PRR29: variants seen among roughly 807,000 people sequenced by gnomAD.
The protein encoded by PRR29 is proline-rich protein 29.
In PRR29, 20 loss-of-function variants were observed where a neutral mutation model predicts 25.1. The observed-to-expected ratio is 0.80, with a 90% CI of 0.56 to 1.16. The LOEUF is 1.16. Ranked by LOEUF, PRR29 falls within the 50% of genes most tolerant of loss-of-function variation. PRR29 has a pLI of 0.00. For synonymous variants in PRR29, 108 were observed against 102.6 expected (o/e 1.05, Z -0.32); for missense variants, 238 against 246.6 (o/e 0.97, Z 0.23).
At chr17:64,001,682 T>TG (rs1910771773) in intron 5 of PRR29, 51 bp from the exon 6 acceptor site, 2 of 1,532,584 alleles carry the variant, frequency 1.3e-6, no homozygotes, top group Admixed American at 3.9e-5. Context: ...TTTACCTCTT[T>TG]GGGGTCCACT....
Position 64,003,351 on chromosome 17 carries a change from T to A in PRR29, c.*1590T>A. On this transcript the variant is annotated 3_prime_UTR_variant, in exon 6 of 6. Transcript: ENST00000412177. ...GCTCTGGGGACCTCAGTGGGGGCAGTCAGGCCAAACTTCTCATTGTGGAGG... is the reference window on the plus strand; with the variant it reads ...GCTCTGGGGACCTCAGTGGGGGCAGACAGGCCAAACTTCTCATTGTGGAGG... 2.1e-6 allele frequency: 1 copy of A among 479,996 alleles called. No individual in the cohort carries two copies. The highest frequency in any genetic ancestry group is 3.9e-5 in the East Asian group (1 of 25,562). The allele number at this position is 479,996 out of a possible 1,614,324, so 29.7% of individuals were successfully genotyped here. A position where few individuals can be genotyped will look rare whatever the true frequency, so the allele number is the denominator to read the frequency against.
At chr17:63,998,459 G>C in intron 1 of PRR29, 35 bp downstream of exon 1, 1 of 1,456,346 alleles carries the variant, frequency 6.9e-7, no homozygotes, top group East Asian at 2.5e-5. Context: ...TCCTGCCTTA[G>C]CTTGGGAGAC....
intron 1 of PRR29, 72 bp from the exon 2 acceptor site, chr17:63,998,635 G>A (rs5821414): frequency 8.4e-5 from 70 of 834,744 alleles, no homozygotes; most frequent in Non-Finnish European, 1.1e-4. Context: ...ACTGGCCGGG[G>A]GGGTTGGGGC....
Position 64,003,297 on chromosome 17 carries a change from C to T in PRR29, c.*1536C>T. ...AACTTCATGCCAGGCTCCCTGTGTG[C>T]CGGCCGTCCAGGGTCACCAAGCAGC... On this transcript the variant is annotated 3_prime_UTR_variant, in exon 6 of 6. Transcript: ENST00000412177. The T allele has an allele frequency of 2.4e-6, 1 of 423,638 alleles. No individual in the cohort carries two copies. Among genetic ancestry groups the T allele is most frequent in the Admixed American group, 4.0e-5 (1 of 25,204 alleles). 26.2% of individuals were successfully genotyped at this position (423,638 alleles called of 1,614,324 possible).
In PRR29 at chr17:64,001,716, G is replaced by T; in HGVS notation, c.542-17G>T. ...CTGAGACAGGAGGGAGTCAAGATGAGGTTCTTGTTTCCCCAGACTACTATG... is the reference window on the plus strand; with the variant it reads ...CTGAGACAGGAGGGAGTCAAGATGATGTTCTTGTTTCCCCAGACTACTATG... On this transcript the variant is annotated splice_polypyrimidine_tract_variant and intron_variant, in intron 5 of 5. Transcript: ENST00000412177. 2 of 1,536,690 alleles carry T rather than the reference G, an allele frequency of 1.3e-6. No individual in the cohort carries two copies. Among genetic ancestry groups the T allele is most frequent in the South Asian group, 2.4e-5 (2 of 84,042 alleles).
At chr17:63,999,304 G>T (rs1000648479) in intron 3 of PRR29, 3 of 583,722 alleles carry the variant, frequency 5.1e-6, no homozygotes, top group Non-Finnish European at 6.1e-6. Flanking sequence ...TTTCAAGGAG[G>T]TTTCCCTGTA....
Position 64,001,532 on chromosome 17 carries a change from C to A in PRR29, c.536C>A (p.Ala179Asp). ...TGTVGADVPPASDYYDAESLL is the reference protein window; with the variant it reads ...TGTVGADVPPDSDYYDAESLL ...ACTGTGGGTGCTGATGTACCCCCGG[C>A]TTCAGGTAGGGCTGGGGTGGTGGGC... Residue 179 changes from alanine to aspartate, a missense_variant, in exon 5 of 6, where the codon GCT becomes GAT. Coordinates refer to ENST00000412177, the MANE Select transcript of PRR29 (RefSeq NM_001164257.2). 1 of 1,518,236 alleles carries A rather than the reference C, an allele frequency of 6.6e-7. No individual in the cohort carries two copies. Among genetic ancestry groups the A allele is most frequent in the South Asian group, 1.2e-5 (1 of 80,888 alleles). The allele number at this position is 1,518,236 out of a possible 1,614,324, so 94.0% of individuals were successfully genotyped here. A position where few individuals can be genotyped will look rare whatever the true frequency, so the allele number is the denominator to read the frequency against.
chr17:64,003,487 A>G lies in PRR29; in HGVS notation c.*1726A>G, dbSNP rs551996141. 1.4e-6 allele frequency: 1 copy of G among 703,058 alleles called. No homozygotes were observed. The highest frequency in any genetic ancestry group is 2.4e-6 in the Non-Finnish European group (1 of 415,778). The allele number at this position is 703,058 out of a possible 1,614,324, so 43.6% of individuals were successfully genotyped here. ...GTTGAGGTCCAAGCTGGGGACTTGG[A>G]AAGAACTTCAGGGAAGAGGGAGAGT... On this transcript the variant is annotated 3_prime_UTR_variant, in exon 6 of 6. Coordinates refer to ENST00000412177, the MANE Select transcript of PRR29 (RefSeq NM_001164257.2).
chr17:64,000,616 A>T (rs1031031447), intron 3 of PRR29, among the ~76,000 whole-genome samples: 1 of 149,082 alleles, frequency 6.7e-6, no homozygotes, highest in Non-Finnish European at 1.5e-5. Context: ...GGCATGAGCC[A>T]CCGCGCCCCG....
In PRR29 at chr17:63,999,069, C is replaced by T. The variant is rs1248548352; in HGVS notation, c.238C>T (p.Pro80Ser). The T allele has an allele frequency of 2.2e-5, 34 of 1,535,038 alleles. 1 individual carries two copies. Among genetic ancestry groups the T allele is most frequent in the Non-Finnish European group, 2.8e-5 (32 of 1,146,258 alleles). The part of the protein sequence containing the change: ...ALQPRPASPC[P>S]QVYLEVPQEE... ...GCAGCCCCGGCCTGCCTCGCCCTGC[C>T]CTCAGGTGCGTGTGGGTGGGCCGCC... Residue 80 changes from proline to serine, a missense_variant, in exon 3 of 6, where the codon CCT (proline) becomes TCT (serine). Coordinates refer to ENST00000412177, the MANE Select transcript of PRR29 (RefSeq NM_001164257.2).
chr17:64,003,697 C>T lies in PRR29; in HGVS notation c.*1936C>T, dbSNP rs5504. ...GTGTTTGTGAAAGATGTTGCCACCG[C>T]GAGACATCAAGTCCAGCACAGCCAG... On this transcript the variant is annotated 3_prime_UTR_variant, in exon 6 of 6. Transcript: ENST00000412177. The T allele has an allele frequency of 1.0e-4, 163 of 1,614,188 alleles. No individual in the cohort carries two copies. In the African/African-American group the frequency reaches 1.6e-3, roughly 16 times the overall value.
intron 5 of PRR29, 96 bp from the exon 6 acceptor site, chr17:64,001,637 A>G (rs757676868): frequency 3.3e-6 from 5 of 1,503,026 alleles, no homozygotes; most frequent in South Asian, 1.3e-5. Context: ...GTTTCCTAAC[A>G]TCACTGCTGC....
intron 3 of PRR29, among the ~76,000 whole-genome samples, chr17:64,000,451 T>A (rs1249479749): frequency 6.6e-6 from 1 of 152,108 alleles, no homozygotes; most frequent in Non-Finnish European, 1.5e-5. Context: ...TGCCCCAGCC[T>A]CCCGAGTAGC....
Position 64,001,843 on chromosome 17 carries a change from G to A in PRR29, c.*82G>A, listed in dbSNP as rs960536699. 3.2e-5 allele frequency: 49 copies of A among 1,536,760 alleles called. No individual in the cohort carries two copies. The African/African-American group carries it at 4.0e-4, about 12-fold the overall frequency. ...AGCCGCCTCCTGCACCTCTCTTGTC[G>A]ACTCCCCGGTGCCCATGGCTGGCAG... is the stretch of plus-strand genomic sequence containing the variant. On this transcript the variant is annotated 3_prime_UTR_variant, in exon 6 of 6. Transcript: ENST00000412177.
chr17:64,003,006 C>A lies in PRR29; in HGVS notation c.*1245C>A, dbSNP rs1910904674. ...CCAAAAGGGAGTGGAAGTCCACCCC[C>A]AACCCAGACCCCCAGACCCCGCCGC... On this transcript the variant is annotated 3_prime_UTR_variant, in exon 6 of 6. Coordinates refer to ENST00000412177, the MANE Select transcript of PRR29 (RefSeq NM_001164257.2). The A allele has an allele frequency of 4.4e-6, 6 of 1,368,892 alleles. No individual in the cohort carries two copies. 84.8% of individuals were successfully genotyped at this position (1,368,892 alleles called of 1,614,324 possible).
At position 64,003,589 on chromosome 17, in the gene PRR29, C is replaced by T. The variant is rs60969270; in HGVS notation, c.*1828C>T. ...GTGGGACTCAAGATTTTTCTTCCCC[C>T]GAGGGGCTGAAAGTGACTTATCACT... On this transcript the variant is annotated 3_prime_UTR_variant, in exon 6 of 6. Coordinates refer to ENST00000412177, the MANE Select transcript of PRR29 (RefSeq NM_001164257.2). 3.8e-4 allele frequency: 583 copies of T among 1,528,884 alleles called. 1 individual carries two copies. The African/African-American group carries it at 5.8e-3, about 15-fold the overall frequency. The allele number at this position is 1,528,884 out of a possible 1,614,324, so 94.7% of individuals were successfully genotyped here.
At position 64,003,089 on chromosome 17, in the gene PRR29, C is replaced by T. The variant is rs904161073; in HGVS notation, c.*1328C>T. On this transcript the variant is annotated 3_prime_UTR_variant, in exon 6 of 6. Transcript: ENST00000412177. ...AGAGATGAGTGGTGAATGGTGTCTG[C>T]ATTAAAATTATTATCTGGAAAAAAG... 8.3e-5 allele frequency: 50 copies of T among 601,756 alleles called. No individual in the cohort carries two copies. The highest frequency in any genetic ancestry group is 1.2e-4 in the Non-Finnish European group (42 of 344,628). The allele number at this position is 601,756 out of a possible 1,614,324, so 37.3% of individuals were successfully genotyped here.
At position 64,002,865 on chromosome 17, in the gene PRR29, A is replaced by C. The variant is rs1278657595; in HGVS notation, c.*1104A>C. On this transcript the variant is annotated 3_prime_UTR_variant, in exon 6 of 6. Coordinates refer to ENST00000412177, the MANE Select transcript of PRR29 (RefSeq NM_001164257.2). ...GCAGAGCAGGACAGATGTCACGAAC[A>C]GGGACAGCAACACCGACACCACCGT... The C allele has an allele frequency of 6.2e-7, 1 of 1,613,944 alleles. No homozygotes were observed. The highest frequency in any genetic ancestry group is 1.3e-5 in the African/African-American group (1 of 75,024).
At chr17:63,999,113 G>A (rs1910378540) in intron 3 of PRR29, 39 bp downstream of exon 3, 1 of 1,454,366 alleles carries the variant, frequency 6.9e-7, no homozygotes, top group Non-Finnish European at 9.3e-7. Context: ...TCACCTGTGG[G>A]TCCAGGGATG....
Sources: gnomAD v4.1 joint callset for allele counts (sites outside exome capture counted in the v4.1 genomes callset) on GRCh38, gnomAD v4.1.1 for gene constraint, MANE v1.5 for transcripts, NCBI Gene and HGNC (gene_info 2026-07-23, HGNC 2026-07-21) for gene names.